The following SLIT3 variants were observed in gnomAD, a reference collection of about 807,000 sequenced individuals.
SLIT3 encodes slit guidance ligand 3, also known as slit homolog 3 protein.
Under a neutral mutation model 184.0 loss-of-function variants are expected in SLIT3, and 68 were observed. That is an observed-to-expected ratio of 0.37 (90% CI 0.30 to 0.45). The LOEUF (loss-of-function observed/expected upper bound fraction) is 0.45, where lower values mean the gene tolerates loss of function less well. SLIT3 is among the 20% of genes least tolerant of loss of function. The pLI is 1.00. For missense variants in SLIT3, 1,707 were observed against 2,026.0 expected (o/e 0.84, Z 3.02); for synonymous variants, 831 against 828.6 (o/e 1.00, Z -0.05).
In SLIT3 at chr5:169,207,753, C is replaced by T. The variant is rs183322046; in HGVS notation, c.342-14203G>A. Among the ~76,000 whole-genome samples, 101 of 152,316 alleles carry T rather than the reference C, an allele frequency of 6.6e-4. 1 individual carries two copies. The highest frequency in any genetic ancestry group is 1.0e-3 in the Non-Finnish European group (68 of 68,026). ...AAAATTCACATTCAAAATTCAACCA[C>T]TGAGATGATGGCATTTGGAGGTGGG... On this transcript the variant is annotated intron_variant, in intron 3 of 35. Transcript: ENST00000519560.
chr5:168,931,961 G>A (rs1761998898), intron 4 of SLIT3, among the ~76,000 whole-genome samples: 1 of 152,182 alleles, frequency 6.6e-6, no homozygotes, highest in Non-Finnish European at 1.5e-5. Flanking sequence ...TAACAGAACT[G>A]TGGGGAAGGG....
chr5:168,887,953 G>A (rs1331062594), intron 4 of SLIT3, among the ~76,000 whole-genome samples: 1 of 152,072 alleles, frequency 6.6e-6, no homozygotes, highest in Non-Finnish European at 1.5e-5. Context: ...CTGAGGGAGG[G>A]ATTAAAAAGT....
At chr5:169,287,580 A>T (rs1379239637) in intron 1 of SLIT3, among the ~76,000 whole-genome samples, 5 of 152,166 alleles carry the variant, frequency 3.3e-5, no homozygotes, top group Admixed American at 3.3e-4. Flanking sequence ...GGTTGAGATC[A>T]GTGGGGAGGG....
chr5:169,270,570 G>C (rs1247983376), intron 1 of SLIT3, among the ~76,000 whole-genome samples: 7 of 152,160 alleles, frequency 4.6e-5, no homozygotes, highest in Admixed American at 4.6e-4. Context: ...CAGGGGCAGA[G>C]TTGTGTAGCT....
chr5:169,171,960 A>G (rs1762835545), intron 4 of SLIT3, among the ~76,000 whole-genome samples: 1 of 152,202 alleles, frequency 6.6e-6, no homozygotes, highest in African/African-American at 2.4e-5. Flanking sequence ...CAAAGAGTGA[A>G]GGAAAGAGGT....
chr5:168,679,492 T>A (rs937631756), intron 32 of SLIT3, among the ~76,000 whole-genome samples: 5 of 152,128 alleles, frequency 3.3e-5, no homozygotes, highest in Non-Finnish European at 5.9e-5. Context: ...GGAGGCACAC[T>A]TTTTCCTCCA....
chr5:168,856,469 A>G (rs1348305735), intron 5 of SLIT3, among the ~76,000 whole-genome samples: 1 of 152,170 alleles, frequency 6.6e-6, no homozygotes, highest in Non-Finnish European at 1.5e-5. Context: ...TAATTCACCT[A>G]TTTTTGGGAA....
chr5:169,226,251 G>A (rs1266965886), intron 3 of SLIT3, among the ~76,000 whole-genome samples: 2 of 152,090 alleles, frequency 1.3e-5, no homozygotes, highest in African/African-American at 4.8e-5. Context: ...GAGGAGTAGG[G>A]GGGCAAAGCT....
chr5:168,722,985 T>C lies in SLIT3; in HGVS notation c.2359A>G (p.Ile787Val). The change falls in exon 22 of 36, where the codon ATC becomes GTC. Residue 787 changes from isoleucine to valine, a missense_variant. This residue lies in a region of SLIT3 where 1,307 missense variants were observed against 1,511.6 expected (regional missense o/e 0.86). Transcript: ENST00000519560. ...AAGGTGTAATTGGTCAGCATGCTGA[T>C]GCTGTTGTTGCTCAGGTCACTAGGA... ...LTLIDLSNNS[I>V]SMLTNYTFSN... The C allele has an allele frequency of 1.2e-6, 2 of 1,613,916 alleles. No individual in the cohort carries two copies. The highest frequency in any genetic ancestry group is 1.7e-6 in the Non-Finnish European group (2 of 1,179,798).
intron 14 of SLIT3, among the ~76,000 whole-genome samples, chr5:168,771,221 C>T (rs551250621): frequency 1.4e-4 from 21 of 152,190 alleles, no homozygotes; most frequent in Non-Finnish European, 2.6e-4. Flanking sequence ...GGGGATAGGA[C>T]GATTGTGCTT....
chr5:169,300,461 C>T lies in SLIT3; in HGVS notation c.197+52G>A. 1 of 1,400,798 alleles carries T rather than the reference C, an allele frequency of 7.1e-7. No homozygotes were observed. Among genetic ancestry groups the T allele is most frequent in the Non-Finnish European group, 9.3e-7 (1 of 1,079,336 alleles). The allele number at this position is 1,400,798 out of a possible 1,614,324, so 86.8% of individuals were successfully genotyped here. A position where few individuals can be genotyped will look rare whatever the true frequency, so the allele number is the denominator to read the frequency against. On this transcript the variant is annotated intron_variant, in intron 1 of 35. Coordinates refer to ENST00000519560, the MANE Select transcript of SLIT3 (RefSeq NM_003062.4). The surrounding 1 kb of genome is among the most constrained non-coding windows in gnomAD (Gnocchi z 4.1). ...GGACGGATCTGGCGCCTGGGGCCCCCTCGGTGGGACCCAGGTGGGTGGCCC... is the reference window on the plus strand; with the variant it reads ...GGACGGATCTGGCGCCTGGGGCCCCTTCGGTGGGACCCAGGTGGGTGGCCC...
chr5:169,126,079 G>T (rs1315415792), intron 4 of SLIT3, among the ~76,000 whole-genome samples: 1 of 152,172 alleles, frequency 6.6e-6, no homozygotes, highest in Non-Finnish European at 1.5e-5. Flanking sequence ...ATTATTGCAA[G>T]AGATGCTACA....
At chr5:169,158,003 G>A (rs1040545981) in intron 4 of SLIT3, among the ~76,000 whole-genome samples, 8 of 151,654 alleles carry the variant, frequency 5.3e-5, no homozygotes, top group African/African-American at 1.7e-4. Flanking sequence ...TCAAACACTT[G>A]TATAATCAGA....
intron 4 of SLIT3, among the ~76,000 whole-genome samples, chr5:168,983,215 G>A (rs952265202): frequency 6.6e-6 from 1 of 152,056 alleles, no homozygotes; most frequent in African/African-American, 2.4e-5. Flanking sequence ...GAAAACTTAG[G>A]GATCAAAACA....
intron 3 of SLIT3, among the ~76,000 whole-genome samples, chr5:169,232,666 AC>A (rs1257502292): frequency 6.6e-6 from 1 of 152,230 alleles, no homozygotes; most frequent in East Asian, 1.9e-4. Context: ...TTTTAGACAG[AC>A]CATCCATTCC....
chr5:169,224,160 T>C (rs1214534832), intron 3 of SLIT3, among the ~76,000 whole-genome samples: 6 of 152,100 alleles, frequency 3.9e-5, no homozygotes, highest in South Asian at 2.1e-4. Context: ...TTTTTTTAAC[T>C]GGTAGAATGG....
At chr5:169,143,954 T>G (rs1761839208) in intron 4 of SLIT3, among the ~76,000 whole-genome samples, 3 of 152,192 alleles carry the variant, frequency 2.0e-5, no homozygotes, top group Admixed American at 1.3e-4. Flanking sequence ...CAAAGTAGAA[T>G]GTCCTATTCT....
chr5:168,786,971 C>T (rs139961350), intron 11 of SLIT3, among the ~76,000 whole-genome samples: 32 of 152,242 alleles, frequency 2.1e-4, no homozygotes, highest in Non-Finnish European at 3.4e-4. Context: ...AATTTTCACT[C>T]GGATCGCAAT....
intron 32 of SLIT3, among the ~76,000 whole-genome samples, chr5:168,678,994 G>A (rs558409821): frequency 4.6e-5 from 7 of 152,206 alleles, no homozygotes; most frequent in Non-Finnish European, 7.3e-5. Flanking sequence ...GGGGCTGGAC[G>A]CATCCTGCCT....
Sources: allele counts gnomAD v4.1 joint callset (sites outside exome capture counted in the v4.1 genomes callset), GRCh38; gene constraint gnomAD v4.1.1; regional missense constraint gnomAD v4.1.1; non-coding constraint Gnocchi (gnomAD v3.1); transcripts MANE v1.5; gene names NCBI Gene and HGNC (gene_info 2026-07-23, HGNC 2026-07-21).